ZC3H12B: variants seen among roughly 807,000 people sequenced by gnomAD.
The protein encoded by ZC3H12B is probable ribonuclease ZC3H12B.
A neutral mutation model predicts 43.9 loss-of-function variants in ZC3H12B; 7 were observed. That is an observed-to-expected ratio of 0.16 (90% CI 0.09 to 0.30). The LOEUF is 0.30. Ranked by LOEUF, ZC3H12B falls within the 10% of genes least tolerant of loss-of-function variation. The pLI is 1.00. For missense variants in ZC3H12B, 475 were observed against 670.2 expected (o/e 0.71, Z 3.22); for synonymous variants, 222 against 241.7 (o/e 0.92, Z 0.76).
the ZC3H12B span, among the ~76,000 whole-genome samples, chrX:65,337,362 G>A: frequency 8.9e-6 from 1 of 112,333 alleles, no homozygotes; most frequent in South Asian, 3.6e-4. Flanking sequence ...ACAGTAAAGT[G>A]AAAGCAAGTT....
At chrX:65,350,545 T>C in the ZC3H12B span, among the ~76,000 whole-genome samples, 1 of 111,879 alleles carries the variant, frequency 8.9e-6, no homozygotes, top group African/African-American at 3.3e-5. Flanking sequence ...TTGTCTCTGT[T>C]TGCAGATGAC....
chrX:65,400,657 A>C (rs944058665), intron 3 of ZC3H12B, among the ~76,000 whole-genome samples: 6 of 111,845 alleles, frequency 5.4e-5, no homozygotes, highest in African/African-American at 1.9e-4. Flanking sequence ...TCTTCTGCTC[A>C]TTGTTACTGA....
chrX:65,052,318 G>A, the ZC3H12B span, among the ~76,000 whole-genome samples: 1 of 111,097 alleles, frequency 9.0e-6, no homozygotes, highest in South Asian at 3.8e-4. Flanking sequence ...TGAGTTATAA[G>A]CAATACAATT....
At chrX:65,420,590 C>A (rs2067006847) in intron 3 of ZC3H12B, among the ~76,000 whole-genome samples, 1 of 111,892 alleles carries the variant, frequency 8.9e-6, no homozygotes, top group African/African-American at 3.3e-5. Flanking sequence ...CCAAAAGGGA[C>A]AAAATAAAAC....
chrX:65,439,264 T>C (rs2067270049), intron 3 of ZC3H12B, among the ~76,000 whole-genome samples: 1 of 111,880 alleles, frequency 8.9e-6, no homozygotes. Flanking sequence ...TCATTTGAGG[T>C]TGAGGTGCCA....
chrX:65,114,915 G>GTTTTTTTTT, the ZC3H12B span, among the ~76,000 whole-genome samples: 1 of 31,203 alleles, frequency 3.2e-5, no homozygotes, highest in Admixed American at 3.5e-4. Flanking sequence ...TGTGTCTCAG[G>GTTTTTTTTT]ATTTTTTTTT....
intron 3 of ZC3H12B, among the ~76,000 whole-genome samples, chrX:65,441,353 G>A (rs1281817329): frequency 8.9e-6 from 1 of 112,208 alleles, no homozygotes; most frequent in Non-Finnish European, 1.9e-5. Flanking sequence ...CAGTGCTGTA[G>A]AGAAATGATT....
At chrX:65,277,556 CAA>C in the ZC3H12B span, among the ~76,000 whole-genome samples, 2 of 111,613 alleles carry the variant, frequency 1.8e-5, no homozygotes, top group South Asian at 7.3e-4. Flanking sequence ...TTATCAATAA[CAA>C]GAGGAACATG....
At chrX:65,163,378 G>A in the ZC3H12B span, among the ~76,000 whole-genome samples, 4 of 111,708 alleles carry the variant, frequency 3.6e-5, no homozygotes, top group East Asian at 5.7e-4. Context: ...CAGAAGTGGA[G>A]CCTACAGAAG....
the ZC3H12B span, among the ~76,000 whole-genome samples, chrX:65,193,373 T>A: frequency 7.2e-5 from 8 of 111,790 alleles, no homozygotes; most frequent in Non-Finnish European, 1.3e-4. Context: ...TAGTTGGTTG[T>A]ATGTGTCTAG....
intron 3 of ZC3H12B, among the ~76,000 whole-genome samples, chrX:65,451,029 G>C (rs1427000963): frequency 9.3e-6 from 1 of 107,229 alleles, no homozygotes. Flanking sequence ...CTCACTGCAA[G>C]CTCCACCTCC....
chrX:65,400,779 G>C (rs978456712), intron 3 of ZC3H12B, among the ~76,000 whole-genome samples: 2 of 111,306 alleles, frequency 1.8e-5, no homozygotes, highest in African/African-American at 6.5e-5. Flanking sequence ...AGATTCAACA[G>C]CTTCATTTTT....
chrX:65,253,320 G>T, the ZC3H12B span, among the ~76,000 whole-genome samples: 1 of 112,455 alleles, frequency 8.9e-6, no homozygotes, highest in Non-Finnish European at 1.9e-5. Context: ...GAAAAAGGAA[G>T]TTGAGCAGAC....
chrX:65,472,894 G>A (rs2067940057), intron 3 of ZC3H12B, among the ~76,000 whole-genome samples: 2 of 83,534 alleles, frequency 2.4e-5, no homozygotes, highest in Non-Finnish European at 2.3e-5. Context: ...ATATATGTTT[G>A]TGTATATATA....
intron 3 of ZC3H12B, among the ~76,000 whole-genome samples, chrX:65,458,062 T>TAAAAAA (rs56840636): frequency 6.3e-5 from 1 of 15,863 alleles, no homozygotes; most frequent in African/African-American, 2.4e-4. Context: ...GAATGATCAA[T>TAAAAAA]AAAAAAAAAA....
chrX:65,206,352 A>G, the ZC3H12B span, among the ~76,000 whole-genome samples: 1 of 112,048 alleles, frequency 8.9e-6, no homozygotes, highest in Non-Finnish European at 1.9e-5. Flanking sequence ...ACACAGAAAT[A>G]AAGCCAAACA....
At chrX:65,454,374 G>A (rs1292500129) in intron 3 of ZC3H12B, among the ~76,000 whole-genome samples, 2 of 112,296 alleles carry the variant, frequency 1.8e-5, no homozygotes, top group Admixed American at 9.4e-5. Flanking sequence ...ACAGAGCCTC[G>A]CTCATTGCTA....
intron 2 of ZC3H12B, among the ~76,000 whole-genome samples, chrX:65,375,127 G>A (rs755176302): frequency 8.9e-6 from 1 of 111,810 alleles, no homozygotes; most frequent in South Asian, 3.8e-4. Flanking sequence ...GGGAAAGGGA[G>A]GGTACAGCGG....
In ZC3H12B at chrX:65,448,983, A is replaced by AAAAGAAAGAAAGAAAGAAAGAAAG. The variant is rs2067426108; in HGVS notation, n.408-39662_408-39661insAAGAAAGAAAGAAAGAAAGAAAGA. On this transcript the variant is annotated intron_variant and non_coding_transcript_variant, in intron 3 of 5. Coordinates refer to the ZC3H12B transcript ENST00000617377. The stretch of plus-strand genomic sequence containing the variant: ...AGAAAGAAAGAAAGAAAGAAAGAGA[A>AAAAGAAAGAAAGAAAGAAAGAAAG]AGAAAGAAAGAGAGGAAAGAAAGAA... 2.2e-4 allele frequency among the ~76,000 whole-genome samples: 21 copies of AAAAGAAAGAAAGAAAGAAAGAAAG among 95,253 alleles called. 1 individual carries two copies. The highest frequency in any genetic ancestry group is 1.1e-3 in the African/African-American group (21 of 19,704). 82.7% of individuals were successfully genotyped at this position (95,253 alleles called of 115,157 possible).
Sources: gnomAD v4.1 joint callset for allele counts (sites outside exome capture counted in the v4.1 genomes callset) on GRCh38, gnomAD v4.1.1 for gene constraint, MANE v1.5 for transcripts, NCBI Gene and HGNC (gene_info 2026-07-23, HGNC 2026-07-21) for gene names.